TRPM3: variants seen among roughly 807,000 people sequenced by gnomAD.
TRPM3 encodes the protein long transient receptor potential channel 3.
Under a neutral mutation model 181.2 loss-of-function variants are expected in TRPM3, and 77 were observed. The observed-to-expected ratio is 0.42, with a 90% CI of 0.35 to 0.51. The LOEUF (loss-of-function observed/expected upper bound fraction) is 0.51. TRPM3 is among the 20% of genes least tolerant of loss of function. TRPM3 has a pLI of 0.01. For missense variants in TRPM3, 1,759 were observed against 2,196.7 expected (o/e 0.80, Z 3.98); for synonymous variants, 745 against 796.4 (o/e 0.94, Z 1.09).
intron 6 of TRPM3, among the ~76,000 whole-genome samples, chr9:70,819,163 C>T (rs57760439): frequency 0.27 from 41,076 of 152,014 alleles, 7,362 homozygotes; most frequent in African/African-American, 0.51. Context: ...GGCCAGGCGA[C>T]TCTTCATGTG....
chr9:71,094,990 TAAG>T (rs970472913), intron 1 of TRPM3, among the ~76,000 whole-genome samples: 6 of 152,250 alleles, frequency 3.9e-5, no homozygotes, highest in South Asian at 2.1e-4. Flanking sequence ...TAGAAAGGTC[TAAG>T]TCCTCTTAGC....
chr9:71,008,196 C>A (rs59517337), intron 1 of TRPM3, among the ~76,000 whole-genome samples: 124 of 152,062 alleles, frequency 8.2e-4, no homozygotes, highest in African/African-American at 2.9e-3. Flanking sequence ...TGGACACATA[C>A]AACCTACCAA....
intron 1 of TRPM3, among the ~76,000 whole-genome samples, chr9:71,007,773 G>T (rs568046348): frequency 6.6e-6 from 1 of 152,030 alleles, no homozygotes; most frequent in East Asian, 1.9e-4. Context: ...GAATACAACC[G>T]ATCAAACACT....
chr9:70,759,898 G>T (rs1292172113), intron 8 of TRPM3, among the ~76,000 whole-genome samples: 6 of 151,916 alleles, frequency 3.9e-5, no homozygotes, highest in Non-Finnish European at 7.4e-5. Flanking sequence ...TGGGTTGATT[G>T]GTGCAGCACA....
At chr9:70,875,431 T>A (rs2095854174) in intron 1 of TRPM3, among the ~76,000 whole-genome samples, 1 of 151,964 alleles carries the variant, frequency 6.6e-6, no homozygotes, top group South Asian at 2.1e-4. Context: ...CAGTTTTGTG[T>A]TTACTTAGTG....
intron 1 of TRPM3, among the ~76,000 whole-genome samples, chr9:71,003,367 T>C (rs556458628): frequency 5.3e-4 from 81 of 152,074 alleles, no homozygotes; most frequent in African/African-American, 1.9e-3. Context: ...TATTTTGTTA[T>C]TACAAATAAT....
chr9:71,158,481 A>G (rs2076112556), intron 1 of TRPM3, among the ~76,000 whole-genome samples: 1 of 152,196 alleles, frequency 6.6e-6, no homozygotes, highest in African/African-American at 2.4e-5. Context: ...CATAATGTTC[A>G]AAGAGAGTTA....
chr9:71,095,758 C>CAAAAAAAAAAAAAAAAAAAAAAAAAAAAA (rs34934062), intron 1 of TRPM3, among the ~76,000 whole-genome samples: 1 of 85,308 alleles, frequency 1.2e-5, no homozygotes, highest in African/African-American at 4.3e-5. Flanking sequence ...GACTCTGTGT[C>CAAAAAAAAAAAAAAAAAAAAAAAAAAAAA]AAAAAAAAAA....
chr9:71,334,943 T>C (rs1420187429), intron 1 of TRPM3, among the ~76,000 whole-genome samples: 1 of 152,114 alleles, frequency 6.6e-6, no homozygotes, highest in South Asian at 2.1e-4. Context: ...AATATTGAGC[T>C]CCATAAAGAA....
intron 7 of TRPM3, among the ~76,000 whole-genome samples, chr9:70,779,885 G>GA (rs979870411): frequency 6.9e-4 from 105 of 151,896 alleles, no homozygotes; most frequent in Non-Finnish European, 1.0e-3. Context: ...ATGCCAATGA[G>GA]AAAAAAAATG....
At chr9:70,599,112 C>G (rs1488060757) in intron 20 of TRPM3, among the ~76,000 whole-genome samples, 1 of 152,136 alleles carries the variant, frequency 6.6e-6, no homozygotes, top group Non-Finnish European at 1.5e-5. Context: ...TGCAACCTAG[C>G]CAACTACTTC....
chr9:70,648,276 A>G (rs1311422126), intron 9 of TRPM3, among the ~76,000 whole-genome samples: 1 of 152,134 alleles, frequency 6.6e-6, no homozygotes, highest in Non-Finnish European at 1.5e-5. Flanking sequence ...GGAGTTTGAG[A>G]CCAGCCTGGG....
At chr9:70,647,434 CA>C (rs554186824) in intron 9 of TRPM3, among the ~76,000 whole-genome samples, 61 of 152,148 alleles carry the variant, frequency 4.0e-4, no homozygotes, top group Middle Eastern at 6.8e-3. Context: ...GAACTAAAAA[CA>C]AAAAACACAT....
At chr9:70,593,538 T>G (rs2058487119) in intron 21 of TRPM3, among the ~76,000 whole-genome samples, 1 of 152,156 alleles carries the variant, frequency 6.6e-6, no homozygotes, top group Non-Finnish European at 1.5e-5. Context: ...CTGTTCTAAT[T>G]TAATTTCTCA....
At chr9:71,316,119 A>T (rs2088561299) in intron 1 of TRPM3, among the ~76,000 whole-genome samples, 1 of 152,194 alleles carries the variant, frequency 6.6e-6, no homozygotes, top group African/African-American at 2.4e-5. Context: ...CAGGCCTAAT[A>T]GTGTCATTAG....
chr9:70,972,681 AC>A (rs2097259523), intron 1 of TRPM3, among the ~76,000 whole-genome samples: 1 of 152,110 alleles, frequency 6.6e-6, no homozygotes, highest in Non-Finnish European at 1.5e-5. Flanking sequence ...GTGCTTCAGG[AC>A]TTTTTTAAGA....
At chr9:70,582,431 A>G (rs1470430262) in intron 22 of TRPM3, among the ~76,000 whole-genome samples, 3 of 152,202 alleles carry the variant, frequency 2.0e-5, no homozygotes, top group Non-Finnish European at 4.4e-5. Context: ...TAATTCATGC[A>G]TCAACTATTT....
At chr9:70,766,987 G>A (rs1298507944) in intron 7 of TRPM3, among the ~76,000 whole-genome samples, 1 of 152,234 alleles carries the variant, frequency 6.6e-6, no homozygotes, top group Non-Finnish European at 1.5e-5. Flanking sequence ...TTAGAAAAGT[G>A]CCTGACACAT....
chr9:71,301,920 C>A (rs1413826211), intron 1 of TRPM3, among the ~76,000 whole-genome samples: 1 of 152,100 alleles, frequency 6.6e-6, no homozygotes, highest in Non-Finnish European at 1.5e-5. Context: ...GATTTACCCT[C>A]AAGAGGTTGT....
Sources: allele counts gnomAD v4.1 joint callset (sites outside exome capture counted in the v4.1 genomes callset), GRCh38; gene constraint gnomAD v4.1.1; transcripts MANE v1.5; gene names NCBI Gene and HGNC (gene_info 2026-07-23, HGNC 2026-07-21).